SLC22A5: variants seen among roughly 807,000 people sequenced by gnomAD.
The protein encoded by SLC22A5 is solute carrier family 22 member 5.
A neutral mutation model predicts 56.7 loss-of-function variants in SLC22A5; 44 were observed. That is an observed-to-expected ratio of 0.78 (90% CI 0.61 to 1.00). SLC22A5 has a LOEUF of 1.00. Ranked by LOEUF, SLC22A5 falls within the 50% of genes least tolerant of loss-of-function variation. The pLI is 0.00. For synonymous variants in SLC22A5, 278 were observed against 292.1 expected, an observed-to-expected ratio of 0.95 and a Z score of 0.49; for missense variants, 675 against 723.0, an observed-to-expected ratio of 0.93 and a Z score of 0.76.
intron 7 of SLC22A5, among the ~76,000 whole-genome samples, chr5:132,391,268 G>A (rs1752691197): frequency 6.6e-6 from 1 of 152,066 alleles, no homozygotes; most frequent in Non-Finnish European, 1.5e-5. Context: ...GCCTACCATG[G>A]GCTGGGCACT....
intron 7 of SLC22A5, among the ~76,000 whole-genome samples, chr5:132,391,223 GTCT>G (rs1434043253): frequency 2.0e-5 from 3 of 152,084 alleles, no homozygotes; most frequent in Admixed American, 2.0e-4. Context: ...TCCTGGCCCT[GTCT>G]TCTTTATTTA....
intron 5 of SLC22A5, 119 bp downstream of exon 5, chr5:132,387,270 C>T: frequency 8.1e-7 from 1 of 1,232,060 alleles, no homozygotes; most frequent in Non-Finnish European, 1.2e-6. Context: ...GCCCAAGCCC[C>T]AACTGCCCAT....
intron 1 of SLC22A5, among the ~76,000 whole-genome samples, chr5:132,373,190 T>C (rs1186989199): frequency 6.6e-6 from 1 of 152,156 alleles, no homozygotes; most frequent in Non-Finnish European, 1.5e-5. Context: ...AATAGTTCAG[T>C]TCTTAGAAGG....
chr5:132,392,133 C>T (rs1752722852), intron 7 of SLC22A5, among the ~76,000 whole-genome samples: 1 of 152,094 alleles, frequency 6.6e-6, no homozygotes, highest in South Asian at 2.1e-4. Flanking sequence ...ACAGTTAATC[C>T]CTGACAGACA....
chr5:132,386,222 C>T (rs967744768), intron 4 of SLC22A5, among the ~76,000 whole-genome samples: 1 of 78,708 alleles, frequency 1.3e-5, no homozygotes, highest in African/African-American at 3.5e-5. Flanking sequence ...TTTTCTTTTT[C>T]TTTTCTTTTT....
intron 7 of SLC22A5, 122 bp from the exon 8 acceptor site, chr5:132,392,311 A>G (rs1752729947): frequency 1.2e-6 from 1 of 857,374 alleles, no homozygotes; most frequent in South Asian, 1.3e-5. Flanking sequence ...TTCCCCCACA[A>G]TAGGAAGTGA....
chr5:132,370,256 T>G lies in SLC22A5; in HGVS notation c.284T>G (p.Leu95Arg). 1 of 1,584,144 alleles carries G rather than the reference T, an allele frequency of 6.3e-7. No homozygotes were observed. The highest frequency in any genetic ancestry group is 8.6e-7 in the Non-Finnish European group (1 of 1,166,534). ...RLATIANFSALGLEPGRDVDL... is the reference protein window; with the variant it reads ...RLATIANFSARGLEPGRDVDL... Reference sequence around the variant, plus strand: ...GCCACCATCGCCAACTTCTCGGCGCTTGGGCTGGAGCCGGGGCGCGACGTG... The same window carrying G: ...GCCACCATCGCCAACTTCTCGGCGCGTGGGCTGGAGCCGGGGCGCGACGTG... The change falls in exon 1 of 10, where the codon CTT (leucine) becomes CGT (arginine). Residue 95 changes from leucine to arginine, a missense_variant. Transcript: ENST00000245407.
chr5:132,389,026 G>A lies in SLC22A5; in HGVS notation c.1052+5G>A, dbSNP rs927950152. On this transcript the variant is annotated splice_donor_5th_base_variant and intron_variant, in intron 6 of 9. Coordinates refer to ENST00000245407, the MANE Select transcript of SLC22A5 (RefSeq NM_003060.4). ...CATCATGTCCATAATGCTGTGGTATGTAAAAGAGACCTGCCTGAGGCTTCC... is the reference window on the plus strand; with the variant it reads ...CATCATGTCCATAATGCTGTGGTATATAAAAGAGACCTGCCTGAGGCTTCC... The A allele has an allele frequency of 6.3e-7, 1 of 1,592,550 alleles. No individual in the cohort carries two copies. The highest frequency in any genetic ancestry group is 1.7e-5 in the Admixed American group (1 of 60,008).
intron 6 of SLC22A5, 132 bp downstream of exon 6, chr5:132,389,153 GTGTT>G: frequency 1.5e-6 from 1 of 689,006 alleles, no homozygotes; most frequent in Admixed American, 2.1e-5. Flanking sequence ...GATATGTCTT[GTGTT>G]AGATGGAAAA....
intron 2 of SLC22A5, 194 bp from the exon 3 acceptor site, chr5:132,383,953 A>G (rs1423573724): frequency 1.7e-5 from 11 of 637,710 alleles, no homozygotes; most frequent in Non-Finnish European, 3.1e-5. Flanking sequence ...CAGGCTGTAC[A>G]TTTGTCATGG....
intron 8 of SLC22A5, among the ~76,000 whole-genome samples, 154 bp downstream of exon 8, chr5:132,392,769 G>A (rs1561576883): frequency 6.6e-6 from 1 of 152,224 alleles, no homozygotes. Flanking sequence ...AAGGGTTCTT[G>A]TCCCAGTGCA....
intron 1 of SLC22A5, 122 bp from the exon 2 acceptor site, chr5:132,378,252 CTAAG>C (rs1752216578): frequency 6.8e-6 from 11 of 1,613,926 alleles, no homozygotes; most frequent in Non-Finnish European, 9.3e-6. Context: ...CATCACCTGA[CTAAG>C]TGAGTTCACA....
chr5:132,378,844 G>A lies in SLC22A5; in HGVS notation c.497+363G>A, dbSNP rs1408549894. The A allele has an allele frequency of 1.8e-5, 6 of 334,332 alleles. No individual in the cohort carries two copies. The Admixed American group carries it at 2.4e-4, about 14-fold the overall frequency. The allele number at this position is 334,332 out of a possible 1,614,324, so 20.7% of individuals were successfully genotyped here. ...TGACATCATGCACACATGCACATGT[G>A]CTAGATTGTAGATCTGTAGTAGTGC... On this transcript the variant is annotated intron_variant, in intron 2 of 9. Coordinates refer to ENST00000245407, the MANE Select transcript of SLC22A5 (RefSeq NM_003060.4).
rs4646307 is a variant in SLC22A5 at position 132,395,211 on chromosome 5, CT to C, written c.*956del. On this transcript the variant is annotated 3_prime_UTR_variant, in exon 10 of 10. Transcript: ENST00000245407. The stretch of plus-strand genomic sequence containing the variant: ...GGTTCCTTAGCCTCCTGGTTTGTGT[CT>C]TTTTTTTTTTTTTTTTAAAACAGAA... 0.038 allele frequency: 3,916 copies of C among 103,520 alleles called. 167 individuals are homozygous for C. The highest frequency in any genetic ancestry group is 0.11 in the African/African-American group (3,597 of 31,808). 6.4% of individuals were successfully genotyped at this position (103,520 alleles called of 1,614,324 possible).
rs72552729 is a variant in SLC22A5 at position 132,387,047 on chromosome 5, T to C, written c.847T>C (p.Trp283Arg). 2.5e-6 allele frequency: 4 copies of C among 1,614,044 alleles called. No homozygotes were observed. Among genetic ancestry groups the C allele is most frequent in the Non-Finnish European group, 3.4e-6 (4 of 1,179,984 alleles). ...LWWFIPESPR[W>R]LISQGRFEEA... The stretch of plus-strand genomic sequence containing the variant: ...CAGGTTCATCCCTGAGTCCCCCCGA[T>C]GGCTCATCTCTCAGGGACGATTTGA... The change falls in exon 5 of 10, where the codon TGG becomes CGG. Residue 283 changes from tryptophan to arginine, a missense_variant. Trp to Arg is a moderately radical substitution (Grantham distance 101). Coordinates refer to ENST00000245407, the MANE Select transcript of SLC22A5 (RefSeq NM_003060.4).
Position 132,390,689 on chromosome 5 carries a change from G to A in SLC22A5, c.1053-1G>A. On this transcript the variant is annotated splice_acceptor_variant, in intron 6 of 9. Coordinates refer to ENST00000245407, the MANE Select transcript of SLC22A5 (RefSeq NM_003060.4). LOFTEE classifies it high-confidence loss of function. ...CAGCTTTCTTCTGCACTCTGTTTCA[G>A]GATGACCATATCAGTGGGCTATTTT... is the stretch of plus-strand genomic sequence containing the variant. 2 of 1,610,854 alleles carry A rather than the reference G, an allele frequency of 1.2e-6. No individual in the cohort carries two copies. The highest frequency in any genetic ancestry group is 1.7e-6 in the Non-Finnish European group (2 of 1,176,972).
chr5:132,386,119 G>A (rs61691968), intron 4 of SLC22A5, among the ~76,000 whole-genome samples: 5,951 of 152,290 alleles, frequency 0.039, 320 homozygotes, highest in African/African-American at 0.12. Context: ...ACCGAGGGTG[G>A]GGGGCGGCTA....
chr5:132,392,247 G>T (rs1253396605), intron 7 of SLC22A5, among the ~76,000 whole-genome samples, 186 bp from the exon 8 acceptor site: 2 of 152,296 alleles, frequency 1.3e-5, no homozygotes, highest in East Asian at 3.9e-4. Context: ...TATAGCTGCA[G>T]GTCCCAGCCT....
chr5:132,390,619 T>C (rs1371192323), intron 6 of SLC22A5, 71 bp from the exon 7 acceptor site: 3 of 1,048,960 alleles, frequency 2.9e-6, no homozygotes, highest in Non-Finnish European at 4.5e-6. Context: ...AATAATTGCA[T>C]TGTAAAAGTT....
Sources: allele counts gnomAD v4.1 joint callset (sites outside exome capture counted in the v4.1 genomes callset), GRCh38; gene constraint gnomAD v4.1.1; transcripts MANE v1.5; gene names NCBI Gene and HGNC (gene_info 2026-07-23, HGNC 2026-07-21).